Variants in CHCHD6 observed in about 807,000 individuals in gnomAD.
CHCHD6 encodes MICOS complex subunit MIC25.
Under a neutral mutation model 32.3 loss-of-function variants are expected in CHCHD6, and 28 were observed. That is an observed-to-expected ratio of 0.87 (90% CI 0.64 to 1.19). The LOEUF (loss-of-function observed/expected upper bound fraction) is 1.19. CHCHD6 is among the 50% of genes most tolerant of loss of function. CHCHD6 has a pLI of 0.00. For missense variants in CHCHD6, 333 were observed against 307.0 expected (o/e 1.08, Z -0.63); for synonymous variants, 122 against 117.5 (o/e 1.04, Z -0.25).
chr3:126,954,097 G>T (rs1212042850), intron 6 of CHCHD6, among the ~76,000 whole-genome samples: 2 of 152,194 alleles, frequency 1.3e-5, no homozygotes, highest in East Asian at 3.8e-4. Context: ...GTGGACAAAT[G>T]GGTGAAATTT....
chr3:126,722,900 G>A (rs928111998), intron 1 of CHCHD6, among the ~76,000 whole-genome samples: 5 of 152,090 alleles, frequency 3.3e-5, no homozygotes, highest in African/African-American at 1.2e-4. Context: ...TAATGATTTA[G>A]CCCTCTGTTT....
chr3:126,717,109 G>T (rs898423962), intron 1 of CHCHD6, among the ~76,000 whole-genome samples: 1 of 152,150 alleles, frequency 6.6e-6, no homozygotes, highest in African/African-American at 2.4e-5. Flanking sequence ...CTGCAGTCAG[G>T]CTTTGGTCCT....
intron 6 of CHCHD6, among the ~76,000 whole-genome samples, chr3:126,956,627 G>A (rs997583655): frequency 6.6e-6 from 1 of 150,992 alleles, no homozygotes; most frequent in African/African-American, 2.4e-5. Flanking sequence ...GAGAGAGAGA[G>A]AAATCTGGAA....
At chr3:126,786,873 G>T (rs1284431917) in intron 4 of CHCHD6, among the ~76,000 whole-genome samples, 6 of 151,910 alleles carry the variant, frequency 3.9e-5, no homozygotes, top group South Asian at 2.1e-4. Context: ...CATTGCTTTT[G>T]GTGTTTTAGA....
intron 1 of CHCHD6, among the ~76,000 whole-genome samples, chr3:126,709,247 C>T (rs1934642403): frequency 6.6e-6 from 1 of 152,126 alleles, no homozygotes; most frequent in Admixed American, 6.5e-5. Flanking sequence ...TTATTTCTGG[C>T]TTCTTTCACT....
In CHCHD6 at chr3:126,910,279, A is replaced by C. The variant is rs146977480; in HGVS notation, c.496-4401A>C. Among the ~76,000 whole-genome samples, 91 of 151,470 alleles carry C rather than the reference A, an allele frequency of 6.0e-4. 1 individual carries two copies. Among genetic ancestry groups the C allele is most frequent in the African/African-American group, 2.0e-3 (82 of 41,380 alleles). On this transcript the variant is annotated intron_variant, in intron 5 of 7. Transcript: ENST00000290913. ...GAGCAAGGCCCTGCCTCAGGAAAAA[A>C]AAAAAAACAAAAAAAACAAATCTTC...
chr3:126,902,074 C>T (rs542622457), intron 5 of CHCHD6, among the ~76,000 whole-genome samples: 1 of 152,358 alleles, frequency 6.6e-6, no homozygotes, highest in South Asian at 2.1e-4. Flanking sequence ...ACTCAGGTCT[C>T]CAGCTCAGGT....
chr3:126,767,020 AG>A, intron 4 of CHCHD6: 1 of 879,858 alleles, frequency 1.1e-6, no homozygotes, highest in Non-Finnish European at 1.9e-6. Context: ...TGGTACAGGC[AG>A]GATCTGCCTC....
intron 4 of CHCHD6, among the ~76,000 whole-genome samples, chr3:126,803,669 T>A (rs1318348674): frequency 6.6e-6 from 1 of 152,110 alleles, no homozygotes; most frequent in Non-Finnish European, 1.5e-5. Flanking sequence ...GACAGAAAGT[T>A]AACAAGGATA....
At chr3:126,945,093 G>A (rs1057049781) in intron 6 of CHCHD6, among the ~76,000 whole-genome samples, 3 of 152,208 alleles carry the variant, frequency 2.0e-5, no homozygotes, top group Admixed American at 6.5e-5. Flanking sequence ...AGGCTGGTAC[G>A]ATGGAGTTTG....
At chr3:126,894,244 C>T (rs576114808) in intron 5 of CHCHD6, among the ~76,000 whole-genome samples, 5 of 152,312 alleles carry the variant, frequency 3.3e-5, no homozygotes, top group East Asian at 1.9e-4. Flanking sequence ...AAAGAAGTGA[C>T]GTGCTGCCCC....
At chr3:126,910,355 A>G (rs2078072087) in intron 5 of CHCHD6, among the ~76,000 whole-genome samples, 1 of 150,660 alleles carries the variant, frequency 6.6e-6, no homozygotes, top group South Asian at 2.1e-4. Flanking sequence ...CTTATTGCCC[A>G]TGAGGTGCAG....
At chr3:126,863,724 GTCC>G (rs1374643404) in intron 5 of CHCHD6, among the ~76,000 whole-genome samples, 1 of 19,718 alleles carries the variant, frequency 5.1e-5, no homozygotes, top group African/African-American at 2.2e-4. Flanking sequence ...CCATCACCAC[GTCC>G]TCCTCCTCCA....
chr3:126,910,097 C>A (rs966504095), intron 5 of CHCHD6, among the ~76,000 whole-genome samples: 1 of 151,972 alleles, frequency 6.6e-6, no homozygotes, highest in Admixed American at 6.6e-5. Context: ...GCCAACATGG[C>A]GAAACCCCCT....
At chr3:126,741,341 A>ATT (rs5852490) in intron 4 of CHCHD6, among the ~76,000 whole-genome samples, 28,951 of 148,386 alleles carry the variant, frequency 0.2, 3,077 homozygotes, top group South Asian at 0.34. Flanking sequence ...CAAATCAGTG[A>ATT]TTTTTTTTTT....
chr3:126,874,174 G>A (rs1480584001), intron 5 of CHCHD6, among the ~76,000 whole-genome samples: 1 of 152,200 alleles, frequency 6.6e-6, no homozygotes, highest in African/African-American at 2.4e-5. Flanking sequence ...GCTGCTCATG[G>A]AATTCAGCTC....
intron 4 of CHCHD6, among the ~76,000 whole-genome samples, chr3:126,741,932 G>C (rs1936302871): frequency 6.6e-6 from 1 of 152,186 alleles, no homozygotes; most frequent in Non-Finnish European, 1.5e-5. Flanking sequence ...CCCCTGCTTT[G>C]TCTCCCTCTC....
chr3:126,856,233 C>G (rs914788310), intron 5 of CHCHD6, among the ~76,000 whole-genome samples: 1 of 152,242 alleles, frequency 6.6e-6, no homozygotes, highest in African/African-American at 2.4e-5. Flanking sequence ...CATGCAGCCC[C>G]TGGCCCATGG....
intron 6 of CHCHD6, among the ~76,000 whole-genome samples, chr3:126,934,536 CTTTTTTTTTTTTT>C (rs386397861): frequency 1.4e-4 from 8 of 58,244 alleles, no homozygotes; most frequent in African/African-American, 4.3e-4. Context: ...CCCCTCTCTG[CTTTTTTTTTTTTT>C]TTTTTTTTTT....
Sources: gnomAD v4.1 joint callset for allele counts (sites outside exome capture counted in the v4.1 genomes callset) on GRCh38, gnomAD v4.1.1 for gene constraint, MANE v1.5 for transcripts, NCBI Gene and HGNC (gene_info 2026-07-23, HGNC 2026-07-21) for gene names.